The following CIMAP2 variants were observed in gnomAD, a reference collection of about 807,000 sequenced individuals.
The protein encoded by CIMAP2 is ciliary microtubule-associated protein 2.
At chr1:54,820,192 C>T in the CIMAP2 span, among the ~76,000 whole-genome samples, 1 of 148,006 alleles carries the variant, frequency 6.8e-6, no homozygotes, top group Non-Finnish European at 1.5e-5. Flanking sequence ...CTTTCTTTCT[C>T]TCTCTTCTTT....
chr1:54,813,168 G>A, the CIMAP2 span, among the ~76,000 whole-genome samples: 44,114 of 151,414 alleles, frequency 0.29, 6,734 homozygotes, highest in African/African-American at 0.36. Context: ...TCAGTTTCAG[G>A]TTCACAGCAA....
At chr1:54,811,764 A>AGCCGGGGGGGGGGGGGG in the CIMAP2 span, 2 of 1,097,914 alleles carry the variant, frequency 1.8e-6, no homozygotes, top group Non-Finnish European at 2.7e-6. Context: ...TGGTTCTGAC[A>AGCCGGGGGGGGGGGGGG]GCCTCCATGC....
At chr1:54,806,956 C>T in the CIMAP2 span, 159 of 1,569,678 alleles carry the variant, frequency 1.0e-4, no homozygotes, top group African/African-American at 2.1e-3. Context: ...GGGCCAGGTG[C>T]CAGGCACAGG....
At chr1:54,842,080 T>A in the CIMAP2 span, 1 of 595,696 alleles carries the variant, frequency 1.7e-6, no homozygotes, top group Non-Finnish European at 3.0e-6. Context: ...GGGACAGGTA[T>A]CTTTTGTTGC....
chr1:54,806,555 T>A, the CIMAP2 span, among the ~76,000 whole-genome samples: 1 of 152,138 alleles, frequency 6.6e-6, no homozygotes, highest in Non-Finnish European at 1.5e-5. Flanking sequence ...GGGTGGGATT[T>A]CAGCCCAGGT....
At chr1:54,813,762 G>A in the CIMAP2 span, 1 of 1,532,782 alleles carries the variant, frequency 6.5e-7, no homozygotes, top group African/African-American at 1.4e-5. Flanking sequence ...GTTGAGAAAG[G>A]AGCTCTTGAT....
chr1:54,827,423 C>A, the CIMAP2 span, among the ~76,000 whole-genome samples: 1 of 152,196 alleles, frequency 6.6e-6, no homozygotes, highest in African/African-American at 2.4e-5. Context: ...GCAGGACTCT[C>A]CCCCTGGACA....
At chr1:54,842,130 C>T in the CIMAP2 span, 5 of 556,280 alleles carry the variant, frequency 9.0e-6, no homozygotes, top group Non-Finnish European at 1.6e-5. Context: ...CAGCCAGTGA[C>T]ATGAACATGG....
chr1:54,838,133 G>A, the CIMAP2 span, among the ~76,000 whole-genome samples: 2 of 152,000 alleles, frequency 1.3e-5, no homozygotes, highest in African/African-American at 4.8e-5. Flanking sequence ...TTGGAAAGGG[G>A]TAACAACTGT....
At chr1:54,808,430 A>G in the CIMAP2 span, among the ~76,000 whole-genome samples, 3 of 152,136 alleles carry the variant, frequency 2.0e-5, no homozygotes, top group African/African-American at 7.2e-5. Context: ...TGGAAGCAGC[A>G]GAGGCTAAGG....
chr1:54,832,691 CA>C, the CIMAP2 span, among the ~76,000 whole-genome samples: 2 of 151,316 alleles, frequency 1.3e-5, no homozygotes, highest in African/African-American at 4.9e-5. Flanking sequence ...TAAGTTTAAA[CA>C]AAAAAAATCA....
chr1:54,808,616 G>GGGGGGC, the CIMAP2 span, among the ~76,000 whole-genome samples: 705 of 139,682 alleles, frequency 5.0e-3, 116 homozygotes, highest in Middle Eastern at 0.014. Context: ...TGCTGCCGGG[G>GGGGGGC]GAGGGCAGTG....
chr1:54,836,198 G>A, the CIMAP2 span, among the ~76,000 whole-genome samples: 7 of 152,028 alleles, frequency 4.6e-5, no homozygotes, highest in South Asian at 2.1e-4. Context: ...GAAGGCAGTC[G>A]GGAGAGAAGG....
chr1:54,811,772 T>TCCCCCCCCCC, the CIMAP2 span: 19 of 454,848 alleles, frequency 4.2e-5, no homozygotes, highest in South Asian at 1.1e-4. Flanking sequence ...ACAGCCTCCA[T>TCCCCCCCCCC]GCCCCCACCC....
At chr1:54,811,765 G>GCCGGCGGGGGCCCCCCCCCCC in the CIMAP2 span, 1 of 1,301,332 alleles carries the variant, frequency 7.7e-7, no homozygotes, top group Non-Finnish European at 1.1e-6. Context: ...GGTTCTGACA[G>GCCGGCGGGGGCCCCCCCCCCC]CCTCCATGCC....
the CIMAP2 span, chr1:54,842,115 C>G: frequency 7.1e-6 from 4 of 562,576 alleles, no homozygotes; most frequent in Non-Finnish European, 1.3e-5. Context: ...CCTGAGAACT[C>G]AACTCAGCCA....
the CIMAP2 span, chr1:54,811,773 G>GACCCCCCCCCC: frequency 1.8e-5 from 24 of 1,325,034 alleles, no homozygotes; most frequent in South Asian, 1.0e-4. Context: ...CAGCCTCCAT[G>GACCCCCCCCCC]CCCCCACCCC....
chr1:54,806,174 G>A, the CIMAP2 span: 2 of 1,551,726 alleles, frequency 1.3e-6, no homozygotes, highest in African/African-American at 1.4e-5. Flanking sequence ...CGGCTCCACG[G>A]CCACCAAGTG....
At chr1:54,811,765 G>GCCGGGGGGGGCGGGCCCCCCCCC in the CIMAP2 span, 1 of 1,301,332 alleles carries the variant, frequency 7.7e-7, no homozygotes, top group East Asian at 2.5e-5. Context: ...GGTTCTGACA[G>GCCGGGGGGGGCGGGCCCCCCCCC]CCTCCATGCC....
Sources: allele counts gnomAD v4.1 joint callset (sites outside exome capture counted in the v4.1 genomes callset), GRCh38; gene constraint gnomAD v4.1.1; transcripts MANE v1.5; gene names NCBI Gene and HGNC (gene_info 2026-07-23, HGNC 2026-07-21).